Variants in RAD51B observed in about 807,000 individuals in gnomAD.
RAD51B encodes the protein DNA repair protein RAD51 homolog 2.
In RAD51B, 38 loss-of-function variants were observed where a neutral mutation model predicts 42.2. The observed-to-expected ratio is 0.90, with a 90% CI of 0.70 to 1.18. The LOEUF is 1.18. Ranked by LOEUF, RAD51B falls within the 50% of genes most tolerant of loss-of-function variation. The probability of loss-of-function intolerance (pLI) is 0.00; values close to 1 mark genes in which losing one functional copy is unlikely to be tolerated. For missense variants in RAD51B, 373 were observed against 400.7 expected (o/e 0.93, Z 0.59); for synonymous variants, 154 against 145.2 (o/e 1.06, Z -0.43).
At chr14:68,370,744 T>C (rs1050407519) in intron 8 of RAD51B, among the ~76,000 whole-genome samples, 9 of 152,126 alleles carry the variant, frequency 5.9e-5, no homozygotes, top group African/African-American at 2.2e-4. Flanking sequence ...GTGAAGTGTA[T>C]TTTAAAAAAT....
intron 7 of RAD51B, among the ~76,000 whole-genome samples, chr14:68,122,349 A>G (rs2077666995): frequency 6.6e-6 from 1 of 152,170 alleles, no homozygotes; most frequent in African/African-American, 2.4e-5. Context: ...TATTTTCCCT[A>G]TTGAATAGAG....
intron 7 of RAD51B, among the ~76,000 whole-genome samples, chr14:68,008,858 CTT>C (rs111466048): frequency 0.041 from 6,175 of 151,980 alleles, 433 homozygotes; most frequent in African/African-American, 0.14. Context: ...GTAGTGATAA[CTT>C]TGTTTTTTCC....
At chr14:67,858,583 G>A (rs1446700650) in intron 4 of RAD51B, among the ~76,000 whole-genome samples, 2 of 152,340 alleles carry the variant, frequency 1.3e-5, no homozygotes, top group East Asian at 3.9e-4. Flanking sequence ...GCGAGACAGT[G>A]TGGAAAACGA....
chr14:68,564,799 C>T (rs1336283265), intron 10 of RAD51B, among the ~76,000 whole-genome samples: 2 of 152,220 alleles, frequency 1.3e-5, no homozygotes, highest in Non-Finnish European at 2.9e-5. Context: ...GCTGGCATCT[C>T]CCACTGAAAG....
chr14:67,982,596 G>C (rs1397249630), intron 7 of RAD51B, among the ~76,000 whole-genome samples: 3 of 152,054 alleles, frequency 2.0e-5, no homozygotes, highest in African/African-American at 7.3e-5. Context: ...TTCTGTATCA[G>C]CTACCATAGT....
rs755033108 is a variant in RAD51B at position 67,885,852 on chromosome 14, A to AT, written c.453-10dup. On this transcript the variant is annotated splice_polypyrimidine_tract_variant and intron_variant, in intron 5 of 10. Transcript: ENST00000471583. ...AGAATTGACTGTTTTCGTTTGTGCTATTTTTTTCACCCACAGACTGGTTGA... is the reference window on the plus strand; with the variant it reads ...AGAATTGACTGTTTTCGTTTGTGCTATTTTTTTTCACCCACAGACTGGTTGA... The AT allele has an allele frequency of 1.2e-5, 19 of 1,578,878 alleles. No individual in the cohort carries two copies. Among genetic ancestry groups the AT allele is most frequent in the South Asian group, 9.3e-5 (8 of 86,048 alleles).
At chr14:67,985,444 T>C (rs762970841) in intron 7 of RAD51B, among the ~76,000 whole-genome samples, 1 of 152,146 alleles carries the variant, frequency 6.6e-6, no homozygotes, top group Non-Finnish European at 1.5e-5. Context: ...TAATCTAACA[T>C]AGAGTCCACA....
chr14:68,233,198 G>T (rs867067813), intron 7 of RAD51B, among the ~76,000 whole-genome samples: 10 of 152,118 alleles, frequency 6.6e-5, no homozygotes, highest in African/African-American at 1.9e-4. Flanking sequence ...TATTTAGATG[G>T]AGTACAGGCC....
intron 10 of RAD51B, chr14:68,541,671 T>C: frequency 1.0e-6 from 1 of 985,456 alleles, no homozygotes; most frequent in Non-Finnish European, 1.2e-6. Context: ...TGGGGCCTTG[T>C]TTGGGCCTGA....
At chr14:67,874,001 G>C (rs2042638994) in intron 5 of RAD51B, among the ~76,000 whole-genome samples, 1 of 151,324 alleles carries the variant, frequency 6.6e-6, no homozygotes, top group African/African-American at 2.4e-5. Flanking sequence ...TGACGAGTTA[G>C]TGGGTGCAGC....
Position 67,893,495 on chromosome 14 carries a change from CACACACACACACACAA to C in RAD51B, c.756+6293_756+6308del, listed in dbSNP as rs1325031428. On this transcript the variant is annotated intron_variant, in intron 7 of 10. Transcript: ENST00000471583. ...ACACACACACACACACACACACACACACACACACACACACAAAAAAAAACAATTAGCTGGGTGTGGT... is the reference window on the plus strand; with the variant it reads ...ACACACACACACACACACACACACACAAAAAAACAATTAGCTGGGTGTGGT... Among the ~76,000 whole-genome samples the C allele has an allele frequency of 2.8e-4, 22 of 77,610 alleles. 1 individual carries two copies. Among genetic ancestry groups the C allele is most frequent in the African/African-American group, 4.0e-4 (6 of 14,950 alleles). 50.9% of individuals were successfully genotyped at this position (77,610 alleles called of 152,430 possible).
At chr14:68,198,791 C>T (rs374145602) in intron 7 of RAD51B, among the ~76,000 whole-genome samples, 1 of 152,196 alleles carries the variant, frequency 6.6e-6, no homozygotes, top group Non-Finnish European at 1.5e-5. Context: ...GACATTGACA[C>T]CAGTCTCCCA....
chr14:68,052,847 G>T (rs552222393), intron 7 of RAD51B, among the ~76,000 whole-genome samples: 5 of 151,016 alleles, frequency 3.3e-5, no homozygotes, highest in African/African-American at 1.2e-4. Flanking sequence ...TGGCCAGCCT[G>T]GTCTTAAACT....
intron 7 of RAD51B, among the ~76,000 whole-genome samples, chr14:67,928,635 G>A (rs2044616756): frequency 6.6e-6 from 1 of 152,174 alleles, no homozygotes; most frequent in African/African-American, 2.4e-5. Context: ...GTGGTGACAA[G>A]GAGAAGAGGG....
intron 7 of RAD51B, among the ~76,000 whole-genome samples, chr14:68,281,979 T>C (rs2081327452): frequency 6.7e-6 from 1 of 148,246 alleles, no homozygotes; most frequent in African/African-American, 2.5e-5. Context: ...AGGACATCCT[T>C]TTTTTTTTTT....
intron 11 of RAD51B, among the ~76,000 whole-genome samples, chr14:68,663,872 T>C (rs1330835760): frequency 1.3e-5 from 2 of 152,248 alleles, no homozygotes; most frequent in African/African-American, 2.4e-5. Flanking sequence ...AGTAGTCCCC[T>C]CTCACAAATT....
At chr14:68,414,358 C>T (rs1370126305) in intron 9 of RAD51B, among the ~76,000 whole-genome samples, 1 of 152,164 alleles carries the variant, frequency 6.6e-6, no homozygotes, top group Admixed American at 6.5e-5. Context: ...CTTTTATTTA[C>T]TCTTTTCCTA....
intron 11 of RAD51B, among the ~76,000 whole-genome samples, chr14:68,668,144 A>C (rs1026602404): frequency 1.3e-5 from 2 of 152,146 alleles, no homozygotes; most frequent in Non-Finnish European, 2.9e-5. Flanking sequence ...TCTTCTCCCC[A>C]GTTACCTGCT....
At chr14:68,593,387 C>T (rs746088656) in intron 10 of RAD51B, among the ~76,000 whole-genome samples, 21 of 152,294 alleles carry the variant, frequency 1.4e-4, no homozygotes, top group African/African-American at 3.6e-4. Context: ...TCTCGCCAGC[C>T]GATGATCATT....
Sources: allele counts gnomAD v4.1 joint callset (sites outside exome capture counted in the v4.1 genomes callset), GRCh38; gene constraint gnomAD v4.1.1; transcripts MANE v1.5; gene names NCBI Gene and HGNC (gene_info 2026-07-23, HGNC 2026-07-21).